The following TGIF1 variants were observed in gnomAD, a reference collection of about 807,000 sequenced individuals.
TGIF1 encodes TGFB induced factor homeobox 1, also known as homeobox protein TGIF1.
TGIF1 carries 4 observed loss-of-function variants against 19.3 expected under a neutral mutation model. The ratio of observed to expected loss-of-function variants is 0.21; its 90% CI spans 0.10 to 0.47. The LOEUF (loss-of-function observed/expected upper bound fraction) is 0.47, where lower values mean the gene tolerates loss of function less well. Ranked by LOEUF, TGIF1 falls within the 20% of genes least tolerant of loss-of-function variation. TGIF1 has a pLI of 0.98. For synonymous variants in TGIF1, 122 were observed against 129.3 expected (o/e 0.94, Z 0.38); for missense variants, 275 against 341.4 (o/e 0.81, Z 1.53).
In TGIF1 at chr18:3,430,392, TA is replaced by T. The variant is rs748758122; in HGVS notation, c.-45+12182del. 3.9e-5 allele frequency among the ~76,000 whole-genome samples: 6 copies of T among 152,378 alleles called. No individual in the cohort carries two copies. The South Asian group carries it at 8.3e-4, about 21-fold the overall frequency. On this transcript the variant is annotated intron_variant, in intron 2 of 3. Coordinates refer to the TGIF1 transcript ENST00000401449. ...TTTGATAAAATGGAGTTTTTATTAATAAAAATGTGAAATGTTACTTATATTA... is the reference window on the plus strand; with the variant it reads ...TTTGATAAAATGGAGTTTTTATTAATAAAATGTGAAATGTTACTTATATTA...
chr18:3,449,722 G>T (rs1475589691), upstream of TGIF1: 1 of 985,454 alleles, frequency 1.0e-6, no homozygotes, highest in Non-Finnish European at 1.2e-6. Flanking sequence ...CGGCTGTCTC[G>T]TGCGGCTAGA....
In TGIF1 at chr18:3,451,977, A is replaced by C; in HGVS notation, c.16+1472A>C. The C allele has an allele frequency of 6.3e-7, 1 of 1,577,482 alleles. No individual in the cohort carries two copies. On this transcript the variant is annotated intron_variant, in intron 1 of 2. Coordinates refer to ENST00000343820, the MANE Select transcript of TGIF1 (RefSeq NM_003244.4). The surrounding 1 kb of genome is among the most constrained non-coding windows in gnomAD (Gnocchi z 5.4). ...AATAAGTGAGGGGCTCTGTGTTTCG[A>C]GGATGGTTCTAGCGCAGAGCCGGGT...
rs2049342355 is a variant in TGIF1 at position 3,456,063 on chromosome 18, T to TTAG, written c.17-290_17-288dup. 5 of 453,930 alleles carry TTAG rather than the reference T, an allele frequency of 1.1e-5. No homozygotes were observed. The highest frequency in any genetic ancestry group is 6.2e-4 in the Middle Eastern group (1 of 1,612). The allele number at this position is 453,930 out of a possible 1,614,324, so 28.1% of individuals were successfully genotyped here. A position where few individuals can be genotyped will look rare whatever the true frequency, so the allele number is the denominator to read the frequency against. On this transcript the variant is annotated intron_variant, in intron 1 of 2. Transcript: ENST00000343820. This position sits in a 1 kb window ranked among gnomAD's most constrained non-coding sequence, Gnocchi z 4.2. ...GGGTGCAGTTTGTCTCCTCCAATGA[T>TTAG]TAGACGAAAGAGTTTTCTGACCATC...
Position 3,451,426 on chromosome 18 carries a change from G to T in TGIF1, c.16+921G>T. The T allele has an allele frequency of 1.0e-6, 1 of 985,462 alleles. No individual in the cohort carries two copies. The highest frequency in any genetic ancestry group is 1.7e-5 in the African/African-American group (1 of 57,366). The allele number at this position is 985,462 out of a possible 1,614,324, so 61.0% of individuals were successfully genotyped here. A position where few individuals can be genotyped will look rare whatever the true frequency, so the allele number is the denominator to read the frequency against. ...GTCCCTTTTGAAGTTAACAAAAATT[G>T]AGTCCCTGGCTGGGAGGTCCCCCGA... On this transcript the variant is annotated intron_variant, in intron 1 of 2. Transcript: ENST00000343820. The surrounding 1 kb of genome is among the most constrained non-coding windows in gnomAD (Gnocchi z 5.4).
upstream of TGIF1, among the ~76,000 whole-genome samples, chr18:3,445,182 ACTC>A (rs1199824014): frequency 2.6e-5 from 4 of 152,052 alleles, no homozygotes; most frequent in Non-Finnish European, 4.4e-5. Context: ...ATCAGCGAAG[ACTC>A]CTCTAAGAAG....
chr18:3,432,123 CAAAAAAAAAAA>C (rs751364681), intron 2 of TGIF1, among the ~76,000 whole-genome samples: 1 of 98,026 alleles, frequency 1.0e-5, no homozygotes, highest in Non-Finnish European at 2.0e-5. Context: ...ACAAAACTGT[CAAAAAAAAAAA>C]AAAAAAAAAA....
Position 3,439,679 on chromosome 18 carries a change from A to G in TGIF1, c.-44-16675A>G, listed in dbSNP as rs186655354. Among the ~76,000 whole-genome samples, 384 of 152,056 alleles carry G rather than the reference A, an allele frequency of 2.5e-3. 1 individual carries two copies. The highest frequency in any genetic ancestry group is 8.7e-3 in the African/African-American group (359 of 41,500). On this transcript the variant is annotated intron_variant, in intron 2 of 3. Transcript: ENST00000401449. ...TTTAAAATAAAATTTATTCAGGACT[A>G]GTAGACGTGTGTGAATTGTTGCCTG...
At chr18:3,443,936 C>CTTT (rs953476419) in intron 2 of TGIF1, among the ~76,000 whole-genome samples, 2 of 137,490 alleles carry the variant, frequency 1.5e-5, no homozygotes, top group Non-Finnish European at 3.2e-5. Context: ...TGTATTCTTT[C>CTTT]TTTTTTTTTT....
chr18:3,433,361 ACCACGCCTGG>A (rs2082575498), intron 2 of TGIF1, among the ~76,000 whole-genome samples: 1 of 152,226 alleles, frequency 6.6e-6, no homozygotes, highest in South Asian at 2.1e-4. Context: ...GGCGTCAGCC[ACCACGCCTGG>A]CCCTTATGAA....
intron 1 of TGIF1, chr18:3,455,058 G>A (rs553835188): frequency 1.1e-4 from 17 of 151,982 alleles, no homozygotes; most frequent in African/African-American, 3.4e-4. Flanking sequence ...ATACTACAGA[G>A]GAAAGAAAGC....
intron 1 of TGIF1, chr18:3,455,944 C>T (rs1181103442): frequency 7.2e-6 from 2 of 278,102 alleles, no homozygotes; most frequent in Admixed American, 9.5e-5. Flanking sequence ...GGTTGCTTTT[C>T]CTAGTTAGCA....
chr18:3,431,625 G>A lies in TGIF1; in HGVS notation c.-45+13410G>A, dbSNP rs181313789. On this transcript the variant is annotated intron_variant, in intron 2 of 3. Transcript: ENST00000401449. ...AGTAGAAAACCAACAAATAAATGTA[G>A]AAGAAACGATGGATGATAAAACTAA... Among the ~76,000 whole-genome samples, 464 of 152,118 alleles carry A rather than the reference G, an allele frequency of 3.1e-3. 2 individuals carry two copies. Among genetic ancestry groups the A allele is most frequent in the African/African-American group, 0.011 (442 of 41,504 alleles).
intron 1 of TGIF1, among the ~76,000 whole-genome samples, 190 bp downstream of exon 1, chr18:3,450,695 A>T (rs930734426): frequency 6.6e-6 from 1 of 152,042 alleles, no homozygotes; most frequent in African/African-American, 2.4e-5. Context: ...ACACAACACG[A>T]GGGGCTGTTG....
chr18:3,448,717 C>T (rs12961082), upstream of TGIF1: 2,771 of 255,640 alleles, frequency 0.011, 76 homozygotes, highest in Non-Finnish European at 0.013. Flanking sequence ...GCGGGGGTGT[C>T]TTTTTTTTTT....
chr18:3,412,084 G>C (rs866596117), exon 1 of TGIF1: 1 of 159,680 alleles, frequency 6.3e-6, no homozygotes, highest in East Asian at 1.5e-4. Flanking sequence ...CAAAGGCCAG[G>C]CCTGACGGAA....
rs150153329 is a variant in TGIF1 at position 3,431,099 on chromosome 18, C to T, written c.-45+12884C>T. ...AGGTAAGTCGAAAGGATAAGGCACCCAATTTGAGGAGCTCCCACTGGCCAA... is the reference window on the plus strand; with the variant it reads ...AGGTAAGTCGAAAGGATAAGGCACCTAATTTGAGGAGCTCCCACTGGCCAA... On this transcript the variant is annotated intron_variant, in intron 2 of 3. Transcript: ENST00000401449. 7.0e-4 allele frequency among the ~76,000 whole-genome samples: 107 copies of T among 152,226 alleles called. 2 individuals carry two copies. The East Asian group carries it at 0.02, about 28-fold the overall frequency.
upstream of TGIF1, chr18:3,448,659 G>C (rs149588247): frequency 2.0e-6 from 2 of 981,880 alleles, no homozygotes; most frequent in East Asian, 2.3e-4. Context: ...CCTGTAATTG[G>C]AAAAACCACC....
intron 1 of TGIF1, chr18:3,452,226 CCT>C: frequency 2.0e-6 from 3 of 1,518,672 alleles, no homozygotes; most frequent in South Asian, 1.1e-5. Flanking sequence ...CGCCCCCCCT[CCT>C]CCACCGGCGC....
intron 2 of TGIF1, among the ~76,000 whole-genome samples, chr18:3,432,207 C>G (rs1442322333): frequency 2.0e-5 from 3 of 151,182 alleles, no homozygotes; most frequent in Non-Finnish European, 4.4e-5. Flanking sequence ...AAATGCACAG[C>G]CTCAATCTAA....
Sources: gnomAD v4.1 joint callset for allele counts (sites outside exome capture counted in the v4.1 genomes callset) on GRCh38, gnomAD v4.1.1 for gene constraint, Gnocchi (gnomAD v3.1) non-coding constraint, MANE v1.5 for transcripts, NCBI Gene and HGNC (gene_info 2026-07-23, HGNC 2026-07-21) for gene names.